The following TIMD4 variants were observed in gnomAD, a reference collection of about 807,000 sequenced individuals.
The protein encoded by TIMD4 is T-cell immunoglobulin and mucin domain-containing protein 4.
Under a neutral mutation model 41.2 loss-of-function variants are expected in TIMD4, and 31 were observed. That is an observed-to-expected ratio of 0.75 (90% CI 0.57 to 1.01). The LOEUF (loss-of-function observed/expected upper bound fraction) is 1.01, where lower values mean the gene tolerates loss of function less well. TIMD4 is among the 50% of genes least tolerant of loss of function. TIMD4 has a pLI of 0.00. For synonymous variants in TIMD4, 204 were observed against 177.1 expected (o/e 1.15, Z -1.21); for missense variants, 479 against 472.5 (o/e 1.01, Z -0.13).
intron 5 of TIMD4, among the ~76,000 whole-genome samples, chr5:156,927,179 G>A (rs1759363527): frequency 6.6e-6 from 1 of 152,262 alleles, no homozygotes; most frequent in Admixed American, 6.5e-5. Context: ...TTAGAATAAA[G>A]TGTCATGAGG....
intron 8 of TIMD4, 94 bp downstream of exon 8, chr5:156,920,368 AAC>A: frequency 7.4e-7 from 1 of 1,358,870 alleles, no homozygotes; most frequent in East Asian, 2.3e-5. Context: ...GTGTAATCGT[AAC>A]ACAAGCTCAA....
At chr5:156,944,354 G>T (rs1759698585) in intron 5 of TIMD4, among the ~76,000 whole-genome samples, 1 of 152,176 alleles carries the variant, frequency 6.6e-6, no homozygotes, top group African/African-American at 2.4e-5. Context: ...ATACAATTAT[G>T]CATATCATTT....
At chr5:156,937,380 A>AAG (rs1156682608) in intron 5 of TIMD4, among the ~76,000 whole-genome samples, 1 of 142,834 alleles carries the variant, frequency 7.0e-6, no homozygotes, top group African/African-American at 2.5e-5. Context: ...TAGGGCAGAA[A>AAG]ACAGAGAGAG....
chr5:156,951,368 G>C (rs1581630246), intron 3 of TIMD4, 144 bp downstream of exon 3: 2 of 1,009,810 alleles, frequency 2.0e-6, no homozygotes, highest in East Asian at 2.6e-5. Flanking sequence ...CCAGTCTGCG[G>C]TGTTTGTTTG....
At chr5:156,940,954 A>G (rs1050665684) in intron 5 of TIMD4, among the ~76,000 whole-genome samples, 1 of 152,262 alleles carries the variant, frequency 6.6e-6, no homozygotes, top group Non-Finnish European at 1.5e-5. Flanking sequence ...AGGAGACTCC[A>G]TTTTGTTCTT....
intron 5 of TIMD4, among the ~76,000 whole-genome samples, chr5:156,945,174 C>T (rs1759717639): frequency 6.6e-6 from 1 of 152,056 alleles, no homozygotes; most frequent in African/African-American, 2.4e-5. Context: ...AGAGGGGAGA[C>T]CAGGAGGAAG....
intron 5 of TIMD4, among the ~76,000 whole-genome samples, chr5:156,939,897 A>C (rs1759608024): frequency 1.3e-5 from 2 of 152,202 alleles, no homozygotes; most frequent in Admixed American, 1.3e-4. Context: ...TTGCCACAGC[A>C]ATTTTTCCTA....
rs1581631051 is a variant in TIMD4, at chr5:156,951,856, A to C, written c.401-66T>G. The stretch of plus-strand genomic sequence containing the variant: ...GGAGGAAAAAGAAAATAATGCAAGT[A>C]TATCTGGGACCCATCCATTTCTGTT... On this transcript the variant is annotated intron_variant, in intron 2 of 8. Coordinates refer to ENST00000274532, the MANE Select transcript of TIMD4 (RefSeq NM_138379.3). 6.3e-6 allele frequency: 10 copies of C among 1,593,508 alleles called. No homozygotes were observed. In the East Asian group the frequency reaches 2.2e-4, roughly 36 times the overall value.
chr5:156,943,382 G>A (rs945905980), intron 5 of TIMD4, among the ~76,000 whole-genome samples: 1 of 152,118 alleles, frequency 6.6e-6, no homozygotes, highest in African/African-American at 2.4e-5. Flanking sequence ...TTCAGAAAAG[G>A]ATAGAACAAA....
In TIMD4 at chr5:156,919,387, A is replaced by T. The variant is rs1355636844; in HGVS notation, c.*70T>A. On this transcript the variant is annotated 3_prime_UTR_variant, in exon 9 of 9. Transcript: ENST00000274532. ...GTGAGTCTTTTTTATGAAACAAGGA[A>T]ATCTACTAAGACTTATTTTGACACT... 2 of 1,385,862 alleles carry T rather than the reference A, an allele frequency of 1.4e-6. No homozygotes were observed. Among genetic ancestry groups the T allele is most frequent in the African/African-American group, 2.9e-5 (2 of 69,480 alleles). 85.8% of individuals were successfully genotyped at this position (1,385,862 alleles called of 1,614,324 possible).
chr5:156,959,847 CT>C (rs1760045551), intron 1 of TIMD4, among the ~76,000 whole-genome samples: 1 of 152,066 alleles, frequency 6.6e-6, no homozygotes, highest in South Asian at 2.1e-4. Context: ...CAAGACCAGC[CT>C]GGCCAAATAT....
chr5:156,946,166 G>A (rs371142380), intron 5 of TIMD4, among the ~76,000 whole-genome samples: 2 of 152,140 alleles, frequency 1.3e-5, no homozygotes, highest in East Asian at 1.9e-4. Flanking sequence ...ATGGAATAAA[G>A]GATGATGGTG....
At chr5:156,961,406 A>G (rs550999727) in intron 1 of TIMD4, among the ~76,000 whole-genome samples, 2 of 152,352 alleles carry the variant, frequency 1.3e-5, no homozygotes, top group Admixed American at 6.5e-5. Flanking sequence ...AAGGAAATCA[A>G]TTAAAGAGAT....
intron 5 of TIMD4, among the ~76,000 whole-genome samples, chr5:156,946,516 GC>G (rs1339464939): frequency 6.6e-6 from 1 of 151,946 alleles, no homozygotes; most frequent in Non-Finnish European, 1.5e-5. Flanking sequence ...CTCACTCGTC[GC>G]CCAGGCTGGA....
chr5:156,924,776 A>C (rs1759315922), intron 6 of TIMD4: 1 of 155,422 alleles, frequency 6.4e-6, no homozygotes, highest in African/African-American at 2.4e-5. Flanking sequence ...TCAAATGGTC[A>C]ATCATTATTT....
At chr5:156,942,268 A>G (rs891528223) in intron 5 of TIMD4, among the ~76,000 whole-genome samples, 3 of 152,228 alleles carry the variant, frequency 2.0e-5, no homozygotes, top group Non-Finnish European at 2.9e-5. Context: ...CCTGCCTTCA[A>G]GAAAGCTCTG....
intron 5 of TIMD4, among the ~76,000 whole-genome samples, chr5:156,933,490 A>G (rs1446694171): frequency 7.4e-6 from 1 of 135,138 alleles, no homozygotes; most frequent in Non-Finnish European, 1.6e-5. Flanking sequence ...AAGTGAAAGG[A>G]TATAGTCCAA....
intron 5 of TIMD4, among the ~76,000 whole-genome samples, chr5:156,928,584 ATAAT>A (rs1222006831): frequency 1.3e-5 from 2 of 152,206 alleles, no homozygotes; most frequent in African/African-American, 4.8e-5. Flanking sequence ...ACCTAAGCTA[ATAAT>A]TAATGAAATT....
rs6870515 is a variant in TIMD4, at chr5:156,923,256, C to T, written c.895-1040G>A. Among the ~76,000 whole-genome samples the T allele has an allele frequency of 3.8e-3, 573 of 150,842 alleles. 5 individuals are homozygous for T. Among genetic ancestry groups the T allele is most frequent in the African/African-American group, 0.014 (555 of 41,106 alleles). ...CTCTGCCTCCCGAGTTCAAGCAATT[C>T]TCCTGCCTCAACCTCCCACGTAGCT... On this transcript the variant is annotated intron_variant, in intron 6 of 8. Coordinates refer to ENST00000274532, the MANE Select transcript of TIMD4 (RefSeq NM_138379.3).
Sources: gnomAD v4.1 joint callset for allele counts (sites outside exome capture counted in the v4.1 genomes callset) on GRCh38, gnomAD v4.1.1 for gene constraint, MANE v1.5 for transcripts, NCBI Gene and HGNC (gene_info 2026-07-23, HGNC 2026-07-21) for gene names.